Variants in MCM9 observed in about 807,000 individuals in gnomAD.
The protein encoded by MCM9 is minichromosome maintenance 9 homologous recombination repair factor, also known as DNA helicase MCM9.
MCM9 carries 55 observed loss-of-function variants against 72.8 expected under a neutral mutation model. That is an observed-to-expected ratio of 0.76 (90% CI 0.61 to 0.95). The LOEUF is 0.95. Among genes scored for constraint, MCM9 ranks in the 40% least tolerant of loss-of-function variants. The pLI, the probability that MCM9 is intolerant of heterozygous loss-of-function variation, is 0.00. For synonymous variants in MCM9, 480 were observed against 503.4 expected (o/e 0.95, Z 0.62); for missense variants, 1,279 against 1,377.0 (o/e 0.93, Z 1.13).
intron 13 of MCM9, among the ~76,000 whole-genome samples, chr6:118,824,345 C>CTTTTTTTTTT (rs781078527): frequency 7.4e-5 from 11 of 148,762 alleles, no homozygotes; most frequent in African/African-American, 2.8e-4. Flanking sequence ...TTTAGTCTTT[C>CTTTTTTTTTT]TTTTTTTTTC....
intron 8 of MCM9, among the ~76,000 whole-genome samples, chr6:118,896,525 G>C (rs574266445): frequency 6.6e-6 from 1 of 152,264 alleles, no homozygotes; most frequent in South Asian, 2.1e-4. Flanking sequence ...TTTTAACTGG[G>C]ATCCATTCAG....
At chr6:118,875,869 C>CTG (rs879882578) in intron 8 of MCM9, among the ~76,000 whole-genome samples, 4 of 152,118 alleles carry the variant, frequency 2.6e-5, no homozygotes, top group African/African-American at 4.8e-5. Flanking sequence ...AACCCAGCAG[C>CTG]TGTGCTCCAT....
At chr6:118,892,834 C>G (rs1161500705) in intron 8 of MCM9, among the ~76,000 whole-genome samples, 8 of 152,120 alleles carry the variant, frequency 5.3e-5, no homozygotes, top group Admixed American at 4.6e-4. Context: ...CCTAAATGTA[C>G]GAGGGGTTGA....
chr6:118,913,141 G>T, intron 7 of MCM9, 154 bp downstream of exon 7: 3 of 814,712 alleles, frequency 3.7e-6, no homozygotes, highest in Non-Finnish European at 5.6e-6. Context: ...ATATACAGAT[G>T]CTAGACTAAG....
At position 118,910,170 on chromosome 6, in the gene MCM9, T is replaced by A. The variant is rs183119814; in HGVS notation, c.1150+1480A>T. Among the ~76,000 whole-genome samples, 16 of 151,030 alleles carry A rather than the reference T, an allele frequency of 1.1e-4. No individual in the cohort carries two copies. The East Asian group carries it at 1.9e-3, about 18-fold the overall frequency. On this transcript the variant is annotated intron_variant, in intron 8 of 13. Coordinates refer to ENST00000619706, the MANE Select transcript of MCM9 (RefSeq NM_017696.3). Reference sequence around the variant, plus strand: ...ACAAGTTTATATTTATGTTAAAAAATTTCATGAAAACACATCCTTAGTGCA... The same window carrying A: ...ACAAGTTTATATTTATGTTAAAAAAATTCATGAAAACACATCCTTAGTGCA...
chr6:118,923,914 G>A lies in MCM9; in HGVS notation c.518C>T (p.Pro173Leu), dbSNP rs1781646858. Residue 173 changes from proline (P) to leucine (L), a missense_variant, in exon 4 of 14, where the codon CCC becomes CTC. Physicochemically the swap from Pro to Leu is moderately conservative, Grantham distance 98. Transcript: ENST00000619706. The part of the protein sequence containing the change: ...YYTFCRPSSC[P>L]SLESCDSSKF... Reference sequence around the variant, plus strand: ...AGAGGAATCACAGCTCTCCAAGCTGGGACACGAGGATGGCCGGCAAAAGGT... The same window carrying A: ...AGAGGAATCACAGCTCTCCAAGCTGAGACACGAGGATGGCCGGCAAAAGGT... The A allele has an allele frequency of 1.2e-6, 2 of 1,614,056 alleles. No individual in the cohort carries two copies. Among genetic ancestry groups the A allele is most frequent in the African/African-American group, 2.7e-5 (2 of 74,926 alleles).
At chr6:118,818,486 A>G (rs986709062) in intron 13 of MCM9, among the ~76,000 whole-genome samples, 2 of 152,112 alleles carry the variant, frequency 1.3e-5, no homozygotes, top group Non-Finnish European at 2.9e-5. Context: ...TCATTGGTCT[A>G]TATATCTGTT....
intron 9 of MCM9, among the ~76,000 whole-genome samples, chr6:118,831,408 G>T (rs1422758958): frequency 6.6e-6 from 1 of 151,304 alleles, no homozygotes; most frequent in Admixed American, 6.6e-5. Flanking sequence ...AAAGAAAAAA[G>T]GCTGTCTGAG....
At chr6:118,903,319 T>C (rs888427115) in intron 8 of MCM9, among the ~76,000 whole-genome samples, 1 of 152,110 alleles carries the variant, frequency 6.6e-6, no homozygotes, top group South Asian at 2.1e-4. Context: ...AAACAGCATA[T>C]TCTCCAGGAC....
chr6:118,854,268 G>A (rs1488339296), intron 9 of MCM9, among the ~76,000 whole-genome samples: 1 of 152,172 alleles, frequency 6.6e-6, no homozygotes, highest in Non-Finnish European at 1.5e-5. Context: ...CCAGAAATGA[G>A]AAGAGCTGAC....
chr6:118,829,682 A>G (rs1774397622), intron 9 of MCM9, among the ~76,000 whole-genome samples: 1 of 152,190 alleles, frequency 6.6e-6, no homozygotes, highest in African/African-American at 2.4e-5. Flanking sequence ...AGAAGCAAAC[A>G]CTGTGAAGCA....
intron 8 of MCM9, chr6:118,908,883 A>AT (rs1780346140): frequency 6.6e-6 from 1 of 152,600 alleles, no homozygotes; most frequent in South Asian, 2.1e-4. Context: ...TAAAGCTTTT[A>AT]TGTTGAGGAA....
intron 3 of MCM9, among the ~76,000 whole-genome samples, chr6:118,930,938 CAATT>C (rs1445713172): frequency 6.6e-6 from 1 of 152,182 alleles, no homozygotes; most frequent in Non-Finnish European, 1.5e-5. Context: ...AGTTTCTTAA[CAATT>C]AAGATGCTTT....
At chr6:118,857,803 T>C (rs1324346413) in intron 8 of MCM9, among the ~76,000 whole-genome samples, 2 of 152,100 alleles carry the variant, frequency 1.3e-5, no homozygotes, top group Admixed American at 1.3e-4. Context: ...TATGCAAAGT[T>C]TATCTAAAAA....
At chr6:118,845,747 TA>T (rs1207849868) in intron 9 of MCM9, among the ~76,000 whole-genome samples, 2 of 151,836 alleles carry the variant, frequency 1.3e-5, no homozygotes, top group Non-Finnish European at 2.9e-5. Context: ...TGGCAAAGGT[TA>T]ACCCTAAAGG....
chr6:118,873,646 A>C (rs1777755443), intron 8 of MCM9, among the ~76,000 whole-genome samples: 1 of 152,200 alleles, frequency 6.6e-6, no homozygotes, highest in Admixed American at 6.5e-5. Flanking sequence ...TAACCTTCCA[A>C]AACACAAAAC....
Position 118,924,021 on chromosome 6 carries a change from C to A in MCM9, c.411G>T (p.Lys137Asn), listed in dbSNP as rs1322432805. The A allele has an allele frequency of 6.2e-7, 1 of 1,614,202 alleles. No homozygotes were observed. The highest frequency in any genetic ancestry group is 1.3e-5 in the African/African-American group (1 of 75,050). ...TGTVIRTSLV[K>N]VLEFERDYMC... ...TGTAATCCCGCTCAAACTCCAGAAC[C>A]TTCACCAGACTTGTTCGAATCACTG... Residue 137 changes from lysine (K) to asparagine (N), a missense_variant, in exon 4 of 14, where the codon AAG (lysine) becomes AAT (asparagine). Transcript: ENST00000619706.
intron 8 of MCM9, among the ~76,000 whole-genome samples, chr6:118,890,811 A>T (rs1048460235): frequency 3.3e-5 from 5 of 152,342 alleles, no homozygotes; most frequent in African/African-American, 1.2e-4. Context: ...TAAACTAACT[A>T]AAGACCATAT....
intron 9 of MCM9, among the ~76,000 whole-genome samples, chr6:118,847,527 T>A (rs1314919604): frequency 7.0e-6 from 1 of 142,710 alleles, no homozygotes; most frequent in East Asian, 2.0e-4. Context: ...GGAATAAAAA[T>A]AGCCAAGAGA....
Sources: allele counts gnomAD v4.1 joint callset (sites outside exome capture counted in the v4.1 genomes callset), GRCh38; gene constraint gnomAD v4.1.1; transcripts MANE v1.5; gene names NCBI Gene and HGNC (gene_info 2026-07-23, HGNC 2026-07-21).